Variants in SNX13 observed in about 807,000 individuals in gnomAD.
SNX13 encodes the protein sorting nexin-13.
SNX13 carries 45 observed loss-of-function variants against 133.6 expected under a neutral mutation model. The ratio of observed to expected loss-of-function variants is 0.34; its 90% CI spans 0.27 to 0.43. The LOEUF is 0.43. SNX13 is among the 20% of genes least tolerant of loss of function. SNX13 has a pLI of 1.00. For missense variants in SNX13, 1,032 were observed against 1,145.1 expected, an observed-to-expected ratio of 0.90 and a Z score of 1.43; for synonymous variants, 414 against 373.9, an observed-to-expected ratio of 1.11 and a Z score of -1.24.
intron 13 of SNX13, among the ~76,000 whole-genome samples, chr7:17,836,315 G>A (rs1562732112): frequency 1.3e-5 from 2 of 151,970 alleles, no homozygotes; most frequent in Non-Finnish European, 2.9e-5. Context: ...GCATAAGTTC[G>A]AGAACAGCCT....
chr7:17,868,632 T>C (rs1054280614), intron 8 of SNX13, 142 bp from the exon 9 acceptor site: 2 of 610,752 alleles, frequency 3.3e-6, no homozygotes, highest in Non-Finnish European at 5.6e-6. Flanking sequence ...CACAGTCTTA[T>C]AAAAAGATGA....
In SNX13 at chr7:17,873,541, C is replaced by T. The variant is rs1031788455; in HGVS notation, c.740G>A (p.Arg247Gln). ...GTTTAAGCTTACCCTGACAAAGTAT[C>T]GCATGATCTTGTTCTGGAAATCTCC... Reference protein sequence around the residue: ...PPGDFQNKIMRYFVREILARG... With the variant: ...PPGDFQNKIMQYFVREILARG... Residue 247 changes from arginine to glutamine, a missense_variant, in exon 8 of 26, where the codon CGA (arginine) becomes CAA (glutamine). By Grantham distance (43) the Arg-to-Gln change is conservative (BLOSUM62 1). Transcript: ENST00000428135. 5 of 1,580,794 alleles carry T rather than the reference C, an allele frequency of 3.2e-6. No homozygotes were observed. Among genetic ancestry groups the T allele is most frequent in the African/African-American group, 2.7e-5 (2 of 73,778 alleles).
intron 14 of SNX13, 53 bp downstream of exon 14, chr7:17,834,708 A>G (rs1788936842): frequency 3.2e-6 from 4 of 1,235,418 alleles, no homozygotes; most frequent in Non-Finnish European, 4.5e-6. Flanking sequence ...ACATTACATA[A>G]AAGTATTTTT....
At position 17,792,412 on chromosome 7, in the gene SNX13, G is replaced by A. The variant is rs1441456756; in HGVS notation, c.*1633C>T. ...GACATGCAACATATGCTGAATATAT[G>A]CATACTATAAGTATGCACAACAGCA... On this transcript the variant is annotated 3_prime_UTR_variant, in exon 26 of 26. Coordinates refer to ENST00000428135, the MANE Select transcript of SNX13 (RefSeq NM_015132.5). The A allele has an allele frequency of 6.6e-6, 1 of 152,256 alleles. No individual in the cohort carries two copies. The highest frequency in any genetic ancestry group is 2.4e-5 in the African/African-American group (1 of 41,352). The allele number at this position is 152,256 out of a possible 1,614,324, so 9.4% of individuals were successfully genotyped here. A position where few individuals can be genotyped will look rare whatever the true frequency, so the allele number is the denominator to read the frequency against.
chr7:17,821,724 AAAG>A, intron 17 of SNX13, 76 bp from the exon 18 acceptor site: 1 of 1,497,004 alleles, frequency 6.7e-7, no homozygotes, highest in African/African-American at 1.4e-5. Flanking sequence ...AAGACACAAA[AAAG>A]GAGGAAGATG....
At chr7:17,799,370 A>T in intron 22 of SNX13, among the ~76,000 whole-genome samples, 1 of 151,764 alleles carries the variant, frequency 6.6e-6, no homozygotes, top group East Asian at 1.9e-4. Context: ...ATAATGAATA[A>T]ATTTTAAGGC....
At chr7:17,927,402 C>T (rs961559246) in intron 1 of SNX13, among the ~76,000 whole-genome samples, 4 of 151,918 alleles carry the variant, frequency 2.6e-5, no homozygotes, top group Non-Finnish European at 4.4e-5. Context: ...ACCACCATGC[C>T]TGGCTAATTT....
At chr7:17,925,659 G>C (rs1263445420) in intron 1 of SNX13, among the ~76,000 whole-genome samples, 1 of 152,212 alleles carries the variant, frequency 6.6e-6, no homozygotes, top group African/African-American at 2.4e-5. Flanking sequence ...GCAATGTATG[G>C]AGAAAGTATG....
chr7:17,845,651 C>G lies in SNX13; in HGVS notation c.1109G>C (p.Cys370Ser). 1 of 1,601,214 alleles carries G rather than the reference C, an allele frequency of 6.2e-7. No individual in the cohort carries two copies. Among genetic ancestry groups the G allele is most frequent in the Non-Finnish European group, 8.5e-7 (1 of 1,174,138 alleles). The change falls in exon 12 of 26, where the codon TGC (cysteine) becomes TCC (serine). Residue 370 changes from cysteine (C) to serine (S), a missense_variant. Physicochemically the swap from Cys to Ser is moderately radical, Grantham distance 112. Coordinates refer to ENST00000428135, the MANE Select transcript of SNX13 (RefSeq NM_015132.5). ...VKLAANFGKL[C>S]TVPLDSILVD... ...AAGAATGCTGTCCAGGGGGACTGTGCAAAGTTTCCCAAAGTTTGCTGCAAG... is the reference window on the plus strand; with the variant it reads ...AAGAATGCTGTCCAGGGGGACTGTGGAAAGTTTCCCAAAGTTTGCTGCAAG...
At chr7:17,872,671 G>C (rs1189308044) in intron 8 of SNX13, among the ~76,000 whole-genome samples, 1 of 152,208 alleles carries the variant, frequency 6.6e-6, no homozygotes, top group South Asian at 2.1e-4. Flanking sequence ...TTAGGAAATT[G>C]TATGGTATGG....
At chr7:17,858,838 A>G (rs1371418137) in intron 9 of SNX13, among the ~76,000 whole-genome samples, 3 of 152,250 alleles carry the variant, frequency 2.0e-5, no homozygotes, top group Admixed American at 6.5e-5. Context: ...ATATTTTAGT[A>G]AGGTGCCAAG....
chr7:17,907,402 G>A (rs1043867992), intron 1 of SNX13: 4 of 152,178 alleles, frequency 2.6e-5, no homozygotes, highest in Admixed American at 6.5e-5. Flanking sequence ...GTTGCTCTTT[G>A]TTACAGAGAA....
intron 25 of SNX13, chr7:17,795,677 T>G (rs1280148724): frequency 6.6e-6 from 1 of 151,772 alleles, no homozygotes; most frequent in African/African-American, 2.4e-5. Context: ...AAGGCAAACA[T>G]AAGTGCAAAG....
intron 20 of SNX13, among the ~76,000 whole-genome samples, chr7:17,807,523 C>T (rs1165766840): frequency 1.3e-5 from 2 of 152,174 alleles, no homozygotes; most frequent in East Asian, 1.9e-4. Context: ...GTGAAAGGTG[C>T]GGTTGTGGGC....
chr7:17,882,680 T>C (rs1795498945), intron 5 of SNX13: 1 of 496,234 alleles, frequency 2.0e-6, no homozygotes, highest in Non-Finnish European at 2.9e-6. Flanking sequence ...AGTATGTTAG[T>C]GTGTGTTTTG....
chr7:17,819,840 C>CT (rs1404799622), intron 18 of SNX13, among the ~76,000 whole-genome samples: 1 of 151,962 alleles, frequency 6.6e-6, no homozygotes, highest in Non-Finnish European at 1.5e-5. Context: ...AATCTAAACA[C>CT]TTAGGTAATC....
rs115688305 is a variant in SNX13 at position 17,829,508 on chromosome 7, A to C, written c.1635+502T>G. Among the ~76,000 whole-genome samples, 401 of 151,564 alleles carry C rather than the reference A, an allele frequency of 2.6e-3. 1 individual carries two copies. The highest frequency in any genetic ancestry group is 9.2e-3 in the African/African-American group (383 of 41,490). ...AGTTGCTGTAAAACTGTCTAAACTT[A>C]CAAAAAAAAATTTTTTGTTTACAAT... On this transcript the variant is annotated intron_variant, in intron 16 of 25. Coordinates refer to ENST00000428135, the MANE Select transcript of SNX13 (RefSeq NM_015132.5).
intron 1 of SNX13, among the ~76,000 whole-genome samples, chr7:17,918,014 A>G (rs1193396863): frequency 6.6e-6 from 1 of 152,082 alleles, no homozygotes; most frequent in Non-Finnish European, 1.5e-5. Context: ...CCTACAACCA[A>G]CTGACCTTCG....
intron 20 of SNX13, among the ~76,000 whole-genome samples, chr7:17,810,427 C>T (rs1029754884): frequency 4.6e-5 from 7 of 151,850 alleles, no homozygotes; most frequent in African/African-American, 1.7e-4. Context: ...AAGAAGAAGT[C>T]GAATCCCTGA....
Sources: allele counts gnomAD v4.1 joint callset (sites outside exome capture counted in the v4.1 genomes callset), GRCh38; gene constraint gnomAD v4.1.1; transcripts MANE v1.5; gene names NCBI Gene and HGNC (gene_info 2026-07-23, HGNC 2026-07-21).